The following MCU variants were observed in gnomAD, a reference collection of about 807,000 sequenced individuals.
MCU encodes the protein mitochondrial calcium uniporter, also known as calcium uniporter protein, mitochondrial.
MCU carries 12 observed loss-of-function variants against 45.2 expected under a neutral mutation model. That is an observed-to-expected ratio of 0.27 (90% CI 0.17 to 0.43). MCU has a LOEUF of 0.43. Among genes scored for constraint, MCU ranks in the 20% least tolerant of loss-of-function variants. The probability of loss-of-function intolerance (pLI) is 1.00; values close to 1 mark genes in which losing one functional copy is unlikely to be tolerated. For missense variants in MCU, 324 were observed against 436.7 expected (o/e 0.74, Z 2.30); for synonymous variants, 160 against 165.1 (o/e 0.97, Z 0.24).
intron 1 of MCU, among the ~76,000 whole-genome samples, chr10:72,806,357 T>C (rs1844450939): frequency 6.6e-6 from 1 of 151,982 alleles, no homozygotes; most frequent in African/African-American, 2.4e-5. Context: ...ACGGGGTTTC[T>C]CCATGTTGGT....
chr10:72,754,254 C>T (rs1028498094), intron 1 of MCU, among the ~76,000 whole-genome samples: 3 of 152,144 alleles, frequency 2.0e-5, no homozygotes, highest in African/African-American at 4.8e-5. Context: ...TCCTTGATGC[C>T]TTTGTACTGT....
chr10:72,829,446 A>T (rs1483258308), intron 1 of MCU, among the ~76,000 whole-genome samples: 1 of 152,012 alleles, frequency 6.6e-6, no homozygotes, highest in Non-Finnish European at 1.5e-5. Context: ...AACTTTACTT[A>T]ACTTTAATCT....
At chr10:72,710,038 C>T (rs1367489016) in intron 1 of MCU, among the ~76,000 whole-genome samples, 9 of 152,114 alleles carry the variant, frequency 5.9e-5, no homozygotes, top group African/African-American at 1.9e-4. Context: ...TGCAGTGGTG[C>T]GATCTCAGGT....
At chr10:72,835,488 G>T (rs772957153) in intron 2 of MCU, among the ~76,000 whole-genome samples, 14 of 152,132 alleles carry the variant, frequency 9.2e-5, no homozygotes, top group Non-Finnish European at 1.6e-4. Flanking sequence ...ATTTACAAGG[G>T]TGCCTAAAAC....
At chr10:72,825,788 G>A (rs532127203) in intron 1 of MCU, among the ~76,000 whole-genome samples, 4 of 152,172 alleles carry the variant, frequency 2.6e-5, no homozygotes, top group Admixed American at 2.0e-4. Context: ...AGGAAATAAT[G>A]TATTTGTATT....
At chr10:72,694,354 T>C (rs1228395083) in intron 1 of MCU, among the ~76,000 whole-genome samples, 2 of 152,218 alleles carry the variant, frequency 1.3e-5, no homozygotes, top group Non-Finnish European at 2.9e-5. Context: ...CAAGGTTACG[T>C]TAGCTAATAC....
intron 1 of MCU, chr10:72,715,711 T>A: frequency 1.2e-5 from 2 of 172,668 alleles, no homozygotes; most frequent in Non-Finnish European, 1.2e-5. Context: ...CAGGTATGGG[T>A]TTCTATGTTT....
chr10:72,809,359 C>T (rs894264568), intron 1 of MCU, among the ~76,000 whole-genome samples: 1 of 152,076 alleles, frequency 6.6e-6, no homozygotes, highest in Non-Finnish European at 1.5e-5. Context: ...TGCTCTTAAC[C>T]ACTGAATTAT....
chr10:72,741,426 TA>T (rs1365878634), intron 1 of MCU, among the ~76,000 whole-genome samples: 1 of 152,162 alleles, frequency 6.6e-6, no homozygotes, highest in African/African-American at 2.4e-5. Flanking sequence ...TGACCATAAC[TA>T]AATACAGATT....
At chr10:72,792,601 A>G (rs969234575) in intron 1 of MCU, among the ~76,000 whole-genome samples, 4 of 152,088 alleles carry the variant, frequency 2.6e-5, no homozygotes, top group Non-Finnish European at 4.4e-5. Flanking sequence ...ACTCAGGGAC[A>G]TCTCAGGGCC....
At position 72,875,037 on chromosome 10, in the gene MCU, T is replaced by C. The variant is rs545523515; in HGVS notation, c.861+3457T>C. Reference sequence around the variant, plus strand: ...ATTCACATATTTAATCTCAACCCTATAAGTATTAATATATCGCCATTCCAT... The same window carrying C: ...ATTCACATATTTAATCTCAACCCTACAAGTATTAATATATCGCCATTCCAT... On this transcript the variant is annotated intron_variant, in intron 6 of 7. Coordinates refer to ENST00000373053, the MANE Select transcript of MCU (RefSeq NM_138357.3). Among the ~76,000 whole-genome samples, 11 of 152,276 alleles carry C rather than the reference T, an allele frequency of 7.2e-5. 1 individual carries two copies. In the South Asian group the frequency reaches 2.3e-3, roughly 32 times the overall value.
chr10:72,727,595 C>G (rs1183454400), intron 1 of MCU, among the ~76,000 whole-genome samples: 5 of 152,306 alleles, frequency 3.3e-5, no homozygotes, highest in South Asian at 2.1e-4. Context: ...CTTTTTCACT[C>G]TTAACTCCTA....
At chr10:72,782,431 C>T (rs11000414) in intron 1 of MCU, among the ~76,000 whole-genome samples, 69,346 of 152,010 alleles carry the variant, frequency 0.46, 19,998 homozygotes, top group Non-Finnish European at 0.67. Context: ...GGTGCAGTGG[C>T]GCAGTCTCGG....
chr10:72,809,520 G>A (rs1421190085), intron 1 of MCU, among the ~76,000 whole-genome samples: 1 of 152,084 alleles, frequency 6.6e-6, no homozygotes, highest in Non-Finnish European at 1.5e-5. Flanking sequence ...AAAGTTTGAC[G>A]TACAATTAAT....
chr10:72,834,167 T>A (rs1297302127), intron 1 of MCU, among the ~76,000 whole-genome samples, 192 bp from the exon 2 acceptor site: 1 of 152,222 alleles, frequency 6.6e-6, no homozygotes, highest in African/African-American at 2.4e-5. Flanking sequence ...CATACCAAAA[T>A]GTTCACCACT....
Position 72,868,698 on chromosome 10 carries a change from T to G in MCU, c.497-5T>G. On this transcript the variant is annotated splice_region_variant and splice_polypyrimidine_tract_variant and intron_variant, in intron 4 of 7. Coordinates refer to ENST00000373053, the MANE Select transcript of MCU (RefSeq NM_138357.3). The stretch of plus-strand genomic sequence containing the variant: ...ATTTTTTAAAAAATGTAACTTTTGT[T>G]TCAGACCTCTTAAGTCATGAAAATG... 1 of 1,610,304 alleles carries G rather than the reference T, an allele frequency of 6.2e-7. No homozygotes were observed. The highest frequency in any genetic ancestry group is 8.5e-7 in the Non-Finnish European group (1 of 1,179,084).
chr10:72,715,898 C>T (rs1238438782), intron 1 of MCU: 16 of 985,140 alleles, frequency 1.6e-5, no homozygotes, highest in Admixed American at 6.2e-5. Context: ...CTTGAACATT[C>T]GCAGGTATGT....
chr10:72,745,900 T>C (rs923810727), intron 1 of MCU, among the ~76,000 whole-genome samples: 1 of 152,146 alleles, frequency 6.6e-6, no homozygotes, highest in Non-Finnish European at 1.5e-5. Flanking sequence ...ACGTGTATAG[T>C]TCATTGACAT....
At chr10:72,727,485 G>A (rs1843116606) in intron 1 of MCU, among the ~76,000 whole-genome samples, 1 of 152,130 alleles carries the variant, frequency 6.6e-6, no homozygotes. Context: ...ATACATCTCT[G>A]CTTTTCTACA....
Sources: allele counts gnomAD v4.1 joint callset (sites outside exome capture counted in the v4.1 genomes callset), GRCh38; gene constraint gnomAD v4.1.1; transcripts MANE v1.5; gene names NCBI Gene and HGNC (gene_info 2026-07-23, HGNC 2026-07-21).